GRM8: variants seen among roughly 807,000 people sequenced by gnomAD.
GRM8 encodes the protein metabotropic glutamate receptor 8.
A neutral mutation model predicts 87.2 loss-of-function variants in GRM8; 47 were observed. That is an observed-to-expected ratio of 0.54 (90% CI 0.43 to 0.69). The LOEUF is 0.69. Ranked by LOEUF, GRM8 falls within the 30% of genes least tolerant of loss-of-function variation. GRM8 has a pLI of 0.00. For synonymous variants in GRM8, 396 were observed against 404.5 expected (o/e 0.98, Z 0.25); for missense variants, 1,019 against 1,139.2 (o/e 0.89, Z 1.52).
Position 126,468,800 on chromosome 7 carries a change from A to T in GRM8, c.2431-22428T>A, listed in dbSNP as rs116174853. Reference sequence around the variant, plus strand: ...TTAGACTCATTTTAAATGGTTAACGATAAGCCTCAAGTGAATCTCAGGCAG... The same window carrying T: ...TTAGACTCATTTTAAATGGTTAACGTTAAGCCTCAAGTGAATCTCAGGCAG... On this transcript the variant is annotated intron_variant, in intron 9 of 10. Transcript: ENST00000339582. 7.5e-3 allele frequency among the ~76,000 whole-genome samples: 1,137 copies of T among 152,266 alleles called. 12 individuals carry two copies. The highest frequency in any genetic ancestry group is 0.026 in the African/African-American group (1,089 of 41,576).
At chr7:126,977,480 G>C (rs1416533095) in intron 3 of GRM8, among the ~76,000 whole-genome samples, 3 of 152,206 alleles carry the variant, frequency 2.0e-5, no homozygotes, top group Non-Finnish European at 2.9e-5. Context: ...AATATCTGGA[G>C]AAGGAAATAA....
chr7:126,458,335 T>C (rs1045898144), intron 9 of GRM8, among the ~76,000 whole-genome samples: 1 of 151,150 alleles, frequency 6.6e-6, no homozygotes, highest in African/African-American at 2.4e-5. Context: ...ATAAGCCAAG[T>C]TGAAAATACA....
chr7:127,224,862 G>A (rs554729636), intron 2 of GRM8, among the ~76,000 whole-genome samples: 2 of 152,076 alleles, frequency 1.3e-5, no homozygotes, highest in Non-Finnish European at 2.9e-5. Flanking sequence ...CAATCTGCCC[G>A]CCTTGGCCTC....
intron 3 of GRM8, among the ~76,000 whole-genome samples, chr7:126,944,129 A>G (rs904615579): frequency 4.0e-4 from 61 of 152,374 alleles, no homozygotes; most frequent in Non-Finnish European, 7.9e-4. Context: ...AAGCCTGTCC[A>G]GAGAGCTCCT....
At chr7:126,537,459 T>C (rs996841718) in intron 8 of GRM8, among the ~76,000 whole-genome samples, 9 of 152,176 alleles carry the variant, frequency 5.9e-5, no homozygotes, top group African/African-American at 2.2e-4. Context: ...TTATTTTACA[T>C]AGTTGCTAAA....
chr7:127,065,615 C>A (rs936415480), intron 3 of GRM8, among the ~76,000 whole-genome samples: 3 of 152,134 alleles, frequency 2.0e-5, no homozygotes, highest in East Asian at 3.9e-4. Context: ...TGTTGGGCTA[C>A]TGACAAAAAT....
intron 8 of GRM8, among the ~76,000 whole-genome samples, chr7:126,566,658 C>T (rs1227882786): frequency 2.0e-5 from 3 of 152,116 alleles, no homozygotes; most frequent in Admixed American, 6.6e-5. Context: ...TACCCCATGA[C>T]CCAGCAGTCT....
At chr7:126,548,398 TA>T (rs1056769988) in intron 8 of GRM8, among the ~76,000 whole-genome samples, 3 of 151,318 alleles carry the variant, frequency 2.0e-5, no homozygotes, top group African/African-American at 7.3e-5. Context: ...CTTAAGTATA[TA>T]AAAAACAAAC....
In GRM8 at chr7:127,163,835, T is replaced by TA. The variant is rs939137544; in HGVS notation, c.511-57124dup. Among the ~76,000 whole-genome samples, 13 of 151,926 alleles carry TA rather than the reference T, an allele frequency of 8.6e-5. 1 individual carries two copies. Among genetic ancestry groups the TA allele is most frequent in the African/African-American group, 1.7e-4 (7 of 41,358 alleles). ...CCATCATAAAGAAATTTTTTAATGA[T>TA]AAAAAAAATGTTTAAGCACCCCTTT... On this transcript the variant is annotated intron_variant, in intron 2 of 10. Coordinates refer to ENST00000339582, the MANE Select transcript of GRM8 (RefSeq NM_000845.3).
At chr7:126,985,534 A>C (rs979447604) in intron 3 of GRM8, among the ~76,000 whole-genome samples, 1 of 152,200 alleles carries the variant, frequency 6.6e-6, no homozygotes, top group Non-Finnish European at 1.5e-5. Context: ...GAAACTGGTT[A>C]ATTTATATGG....
chr7:126,761,223 A>G (rs1364888549), intron 7 of GRM8, among the ~76,000 whole-genome samples: 1 of 147,006 alleles, frequency 6.8e-6, no homozygotes, highest in Non-Finnish European at 1.5e-5. Flanking sequence ...AAAAAAAAGT[A>G]GATGAAATAG....
At chr7:127,059,839 G>C (rs1025943414) in intron 3 of GRM8, among the ~76,000 whole-genome samples, 1 of 152,160 alleles carries the variant, frequency 6.6e-6, no homozygotes, top group African/African-American at 2.4e-5. Context: ...AAAGCCACTT[G>C]TACTTTCTTG....
chr7:126,997,145 T>G (rs1221707271), intron 3 of GRM8, among the ~76,000 whole-genome samples: 1 of 138,366 alleles, frequency 7.2e-6, no homozygotes, highest in Non-Finnish European at 1.6e-5. Context: ...ACAGGAATTT[T>G]GTACACTAAA....
At chr7:126,697,185 C>T (rs1162868902) in intron 7 of GRM8, among the ~76,000 whole-genome samples, 1 of 124,882 alleles carries the variant, frequency 8.0e-6, no homozygotes, top group African/African-American at 3.0e-5. Context: ...AAAAAAAAGT[C>T]AAGCCCATAG....
intron 7 of GRM8, among the ~76,000 whole-genome samples, chr7:126,731,045 T>C (rs1259366872): frequency 6.6e-6 from 1 of 152,154 alleles, no homozygotes; most frequent in Non-Finnish European, 1.5e-5. Flanking sequence ...AATACAATTA[T>C]ATGCTTAAAG....
intron 3 of GRM8, among the ~76,000 whole-genome samples, chr7:127,070,787 A>G (rs1007512008): frequency 2.6e-5 from 4 of 152,206 alleles, no homozygotes; most frequent in Non-Finnish European, 5.9e-5. Context: ...TTGGAAAATA[A>G]CCCAGGGTTT....
At chr7:126,833,646 C>A (rs762240507) in intron 6 of GRM8, among the ~76,000 whole-genome samples, 4 of 152,094 alleles carry the variant, frequency 2.6e-5, no homozygotes, top group Non-Finnish European at 5.9e-5. Flanking sequence ...GCACACTAAT[C>A]CCATCATGGA....
At chr7:127,066,884 T>C (rs1821167962) in intron 3 of GRM8, among the ~76,000 whole-genome samples, 1 of 152,210 alleles carries the variant, frequency 6.6e-6, no homozygotes, top group African/African-American at 2.4e-5. Context: ...AGTGACAACA[T>C]GTGGTGCTTA....
At chr7:126,976,257 C>A (rs1291299523) in intron 3 of GRM8, among the ~76,000 whole-genome samples, 1 of 152,160 alleles carries the variant, frequency 6.6e-6, no homozygotes, top group Non-Finnish European at 1.5e-5. Context: ...CTTTTTAAAA[C>A]TACGATGTTC....
Sources: allele counts gnomAD v4.1 joint callset (sites outside exome capture counted in the v4.1 genomes callset), GRCh38; gene constraint gnomAD v4.1.1; transcripts MANE v1.5; gene names NCBI Gene and HGNC (gene_info 2026-07-23, HGNC 2026-07-21).